Variants in ALDH1L2 observed in about 807,000 individuals in gnomAD.
ALDH1L2 encodes mitochondrial 10-formyltetrahydrofolate dehydrogenase.
Under a neutral mutation model 111.0 loss-of-function variants are expected in ALDH1L2, and 91 were observed. The ratio of observed to expected loss-of-function variants is 0.82; its 90% CI spans 0.69 to 0.98. The LOEUF is 0.98. Ranked by LOEUF, ALDH1L2 falls within the 50% of genes least tolerant of loss-of-function variation. The pLI is 0.00. For synonymous variants in ALDH1L2, 374 were observed against 392.6 expected (o/e 0.95, Z 0.56); for missense variants, 995 against 1,126.8 (o/e 0.88, Z 1.67).
intron 4 of ALDH1L2, among the ~76,000 whole-genome samples, chr12:105,067,571 T>C (rs1016083108): frequency 3.3e-5 from 5 of 152,174 alleles, no homozygotes; most frequent in African/African-American, 1.2e-4. Flanking sequence ...TTGATTGCCT[T>C]TGGGAGGTGT....
intron 17 of ALDH1L2, among the ~76,000 whole-genome samples, chr12:105,039,406 G>C (rs993039987): frequency 1.3e-5 from 2 of 151,934 alleles, no homozygotes; most frequent in African/African-American, 4.8e-5. Flanking sequence ...GTATCTTTTT[G>C]GTTTTTTACC....
At chr12:105,050,655 C>T (rs1296835054) in intron 12 of ALDH1L2, 1 of 453,570 alleles carries the variant, frequency 2.2e-6, no homozygotes, top group South Asian at 1.6e-5. Context: ...AGCTTGAAAT[C>T]CCCCTCCGAC....
At chr12:105,065,529 A>G (rs901458752) in intron 5 of ALDH1L2, among the ~76,000 whole-genome samples, 173 bp from the exon 6 acceptor site, 1 of 152,234 alleles carries the variant, frequency 6.6e-6, no homozygotes, top group Non-Finnish European at 1.5e-5. Context: ...TTAGTAAACA[A>G]GAGACTTTAT....
At chr12:105,060,001 A>T (rs1481926177) in intron 9 of ALDH1L2, among the ~76,000 whole-genome samples, 1 of 152,212 alleles carries the variant, frequency 6.6e-6, no homozygotes, top group African/African-American at 2.4e-5. Context: ...ATGCTGCACC[A>T]GTAGGATCCT....
At chr12:105,032,037 A>C (rs17036612) in intron 19 of ALDH1L2, 103 bp from the exon 20 acceptor site, 197,857 of 1,255,810 alleles carry the variant, frequency 0.16, 22,311 homozygotes, top group East Asian at 0.55. Flanking sequence ...ATGTATTGTC[A>C]TTTAGTCTTT....
intron 12 of ALDH1L2, chr12:105,050,647 C>T (rs1876199524): frequency 2.2e-6 from 1 of 453,038 alleles, no homozygotes; most frequent in Non-Finnish European, 4.4e-6. Flanking sequence ...TAGAGTCCAG[C>T]TTGAAATCCC....
intron 21 of ALDH1L2, 123 bp from the exon 22 acceptor site, chr12:105,026,867 T>TTTG (rs549171660): frequency 8.1e-7 from 1 of 1,232,670 alleles, no homozygotes; most frequent in Non-Finnish European, 1.1e-6. Flanking sequence ...CTTAAATGTT[T>TTTG]TTGTTGTTGT....
chr12:105,075,592 G>A (rs1014464294), intron 1 of ALDH1L2, among the ~76,000 whole-genome samples: 3 of 151,648 alleles, frequency 2.0e-5, no homozygotes, highest in Non-Finnish European at 4.4e-5. Flanking sequence ...TCCACACCCC[G>A]CCCCCGCAAA....
rs144603391 is a variant in ALDH1L2, at chr12:105,037,788, G to A, written c.2145+315C>T. On this transcript the variant is annotated intron_variant, in intron 18 of 22. Coordinates refer to ENST00000258494, the MANE Select transcript of ALDH1L2 (RefSeq NM_001034173.4). Reference sequence around the variant, plus strand: ...TTTTTTTCTTTTTTTTTTTTGAGACGGAGTCTCACTCTGTCGCCCAGGCTG... The same window carrying A: ...TTTTTTTCTTTTTTTTTTTTGAGACAGAGTCTCACTCTGTCGCCCAGGCTG... 5.4e-3 allele frequency among the ~76,000 whole-genome samples: 788 copies of A among 145,216 alleles called. 24 individuals carry two copies. In the East Asian group the frequency reaches 0.094, roughly 17 times the overall value.
At chr12:105,061,606 T>C in intron 8 of ALDH1L2, 21 bp downstream of exon 8, 1 of 1,613,654 alleles carries the variant, frequency 6.2e-7, no homozygotes, top group Non-Finnish European at 8.5e-7. Context: ...AACAGTAAGA[T>C]TTAAGTCATC....
At chr12:105,036,393 GTA>G (rs1297625432) in intron 18 of ALDH1L2, among the ~76,000 whole-genome samples, 2 of 78,194 alleles carry the variant, frequency 2.6e-5, no homozygotes, top group Non-Finnish European at 4.5e-5. Context: ...TTATATATGT[GTA>G]TATATATTAT....
Position 105,038,294 on chromosome 12 carries a change from A to T in ALDH1L2, c.2046-92T>A, listed in dbSNP as rs1875305293. ...CACACACACAAACACACACACACAC[A>T]CACACACACACACACACACACACAC... On this transcript the variant is annotated intron_variant, in intron 17 of 22. Coordinates refer to ENST00000258494, the MANE Select transcript of ALDH1L2 (RefSeq NM_001034173.4). 4 of 577,174 alleles carry T rather than the reference A, an allele frequency of 6.9e-6. 1 individual carries two copies. The highest frequency in any genetic ancestry group is 1.2e-5 in the Non-Finnish European group (4 of 331,638). The allele number at this position is 577,174 out of a possible 1,614,324, so 35.8% of individuals were successfully genotyped here. A position where few individuals can be genotyped will look rare whatever the true frequency, so the allele number is the denominator to read the frequency against.
chr12:105,077,463 G>A lies in ALDH1L2; in HGVS notation c.49-3458C>T, dbSNP rs143093296. ...TTTTTTTTTTTTTTTAATTTTAGTA[G>A]AGATGGGGTTTCATCGTGTTGCCCA... On this transcript the variant is annotated intron_variant, in intron 1 of 22. Transcript: ENST00000258494. Among the ~76,000 whole-genome samples the A allele has an allele frequency of 4.0e-3, 597 of 150,644 alleles. 8 individuals are homozygous for A. Among genetic ancestry groups the A allele is most frequent in the African/African-American group, 0.014 (557 of 41,006 alleles).
chr12:105,034,249 A>C, intron 19 of ALDH1L2, 51 bp downstream of exon 19: 1 of 1,559,048 alleles, frequency 6.4e-7, no homozygotes, highest in Non-Finnish European at 8.8e-7. Flanking sequence ...GGATTTTTCA[A>C]GTAAAAGCAA....
chr12:105,063,152 A>G (rs910541440), intron 6 of ALDH1L2, 130 bp from the exon 7 acceptor site: 2 of 1,073,788 alleles, frequency 1.9e-6, no homozygotes, highest in Admixed American at 3.0e-5. Context: ...AGACACCACA[A>G]TGGGAGAAAC....
rs1876760587 is a variant in ALDH1L2 at position 105,058,191 on chromosome 12, C to G, written c.1169G>C (p.Gly390Ala). 23 of 1,610,454 alleles carry G rather than the reference C, an allele frequency of 1.4e-5. No homozygotes were observed. The highest frequency in any genetic ancestry group is 2.0e-5 in the Non-Finnish European group (23 of 1,178,686). Residue 390 changes from glycine to alanine, a missense_variant, in exon 10 of 23, where the codon GGT (glycine) becomes GCT (alanine). Coordinates refer to ENST00000258494, the MANE Select transcript of ALDH1L2 (RefSeq NM_001034173.4). Reference sequence around the variant, plus strand: ...ATCTTCATTCTGCAACTGAAGCCCACCACATTTCTGTCTGATCTCTTCAAC... The same window carrying G: ...ATCTTCATTCTGCAACTGAAGCCCAGCACATTTCTGTCTGATCTCTTCAAC... ...RLVEEIRQKCGGLQLQNEDVY... is the reference protein window; with the variant it reads ...RLVEEIRQKCAGLQLQNEDVY...
chr12:105,069,836 C>T (rs978883989), intron 3 of ALDH1L2, among the ~76,000 whole-genome samples: 1 of 152,140 alleles, frequency 6.6e-6, no homozygotes, highest in African/African-American at 2.4e-5. Flanking sequence ...TACAATGTAC[C>T]AGCCACTGTT....
intron 5 of ALDH1L2, 142 bp downstream of exon 5, chr12:105,066,426 A>G: frequency 1.5e-6 from 1 of 673,430 alleles, no homozygotes; most frequent in Non-Finnish European, 2.6e-6. Flanking sequence ...TCTCCTGCGT[A>G]TGTCTGGCTA....
At chr12:105,034,960 G>T (rs1334372823) in intron 18 of ALDH1L2, among the ~76,000 whole-genome samples, 3 of 151,288 alleles carry the variant, frequency 2.0e-5, no homozygotes, top group African/African-American at 7.3e-5. Flanking sequence ...CTCCAGCCTG[G>T]GCGACAGAGC....
Sources: gnomAD v4.1 joint callset for allele counts (sites outside exome capture counted in the v4.1 genomes callset) on GRCh38, gnomAD v4.1.1 for gene constraint, MANE v1.5 for transcripts, NCBI Gene and HGNC (gene_info 2026-07-23, HGNC 2026-07-21) for gene names.